The following FAM135B variants were observed in gnomAD, a reference collection of about 807,000 sequenced individuals.
FAM135B encodes protein FAM135B.
A neutral mutation model predicts 127.7 loss-of-function variants in FAM135B; 43 were observed. That is an observed-to-expected ratio of 0.34 (90% CI 0.26 to 0.43). The LOEUF is 0.43. FAM135B is among the 20% of genes least tolerant of loss of function. FAM135B has a pLI of 1.00. For missense variants in FAM135B, 1,558 were observed against 1,725.6 expected, an observed-to-expected ratio of 0.90 and a Z score of 1.72; for synonymous variants, 670 against 665.1, an observed-to-expected ratio of 1.01 and a Z score of -0.11.
At chr8:138,301,533 T>G (rs1169216487) in intron 3 of FAM135B, among the ~76,000 whole-genome samples, 1 of 152,160 alleles carries the variant, frequency 6.6e-6, no homozygotes, top group Non-Finnish European at 1.5e-5. Context: ...CACTTCCTTT[T>G]GTTCTTTGCT....
chr8:138,444,237 G>A (rs554251155), intron 1 of FAM135B, among the ~76,000 whole-genome samples: 46 of 151,974 alleles, frequency 3.0e-4, no homozygotes, highest in Non-Finnish European at 5.3e-4. Flanking sequence ...CATTAGACAG[G>A]TCAACGAGAC....
intron 3 of FAM135B, among the ~76,000 whole-genome samples, chr8:138,275,000 G>A (rs1203928331): frequency 6.6e-6 from 1 of 152,074 alleles, no homozygotes; most frequent in Non-Finnish European, 1.5e-5. Flanking sequence ...CAGCTGACAG[G>A]ATTGAGAGAT....
At chr8:138,481,429 T>A (rs1200611869) in intron 1 of FAM135B, among the ~76,000 whole-genome samples, 1 of 152,220 alleles carries the variant, frequency 6.6e-6, no homozygotes, top group Admixed American at 6.5e-5. Flanking sequence ...TCTGTTTGCA[T>A]CCTTCAGGTC....
intron 1 of FAM135B, among the ~76,000 whole-genome samples, chr8:138,422,183 G>C (rs1834550938): frequency 6.6e-6 from 1 of 152,014 alleles, no homozygotes; most frequent in South Asian, 2.1e-4. Flanking sequence ...AGAAAACCTA[G>C]GAAATACCAT....
intron 9 of FAM135B, among the ~76,000 whole-genome samples, chr8:138,190,100 A>G (rs1273161587): frequency 6.6e-6 from 1 of 152,124 alleles, no homozygotes; most frequent in African/African-American, 2.4e-5. Context: ...ACTTATCTTC[A>G]TACCTTCGTA....
At chr8:138,277,666 T>C (rs1823938521) in intron 3 of FAM135B, among the ~76,000 whole-genome samples, 1 of 151,976 alleles carries the variant, frequency 6.6e-6, no homozygotes, top group African/African-American at 2.4e-5. Context: ...CTTCAGGGAG[T>C]AGGGCCTTGA....
intron 7 of FAM135B, among the ~76,000 whole-genome samples, chr8:138,219,829 T>C (rs1051458265): frequency 1.3e-5 from 2 of 152,188 alleles, no homozygotes; most frequent in Non-Finnish European, 2.9e-5. Context: ...TAGGAACTCA[T>C]GTTCTGGTAG....
At position 138,152,116 on chromosome 8, in the gene FAM135B, C is replaced by T. The variant is rs758410872; in HGVS notation, c.2359G>A (p.Asp787Asn). The T allele has an allele frequency of 6.2e-7, 1 of 1,613,888 alleles. No individual in the cohort carries two copies. The highest frequency in any genetic ancestry group is 2.2e-5 in the East Asian group (1 of 44,842). ...AAACCTCCATCTTGCTGCTTGGTGT[C>T]CGCATCTTCAGCAGCCTCCTCTGGG... ...SSPEEAAEDA[D>N]TKQQDGGFAE... The change falls in exon 13 of 20, where the codon GAC becomes AAC. Residue 787 changes from aspartate (D) to asparagine (N), a missense_variant. This residue lies in a region of FAM135B where 923 missense variants were observed against 865.3 expected (regional missense o/e 1.07). Transcript: ENST00000395297.
intron 1 of FAM135B, chr8:138,439,519 AG>A (rs1202361802): frequency 2.0e-5 from 3 of 152,100 alleles, no homozygotes; most frequent in African/African-American, 7.2e-5. Flanking sequence ...GACATTTCCT[AG>A]GGGGAGGGAA....
intron 3 of FAM135B, among the ~76,000 whole-genome samples, chr8:138,304,461 G>A (rs1024989111): frequency 1.3e-5 from 2 of 152,222 alleles, no homozygotes; most frequent in African/African-American, 4.8e-5. Flanking sequence ...TTGTGCGAAG[G>A]ACGTTCAGTT....
intron 6 of FAM135B, among the ~76,000 whole-genome samples, chr8:138,244,239 T>G (rs1452022126): frequency 6.7e-6 from 1 of 149,920 alleles, no homozygotes; most frequent in Non-Finnish European, 1.5e-5. Context: ...CCAATAGATG[T>G]AATACAATGC....
intron 9 of FAM135B, among the ~76,000 whole-genome samples, chr8:138,185,354 T>C (rs1055928718): frequency 6.6e-6 from 1 of 152,126 alleles, no homozygotes; most frequent in Admixed American, 6.6e-5. Context: ...TTTACCCCCT[T>C]GAATTTGAGA....
chr8:138,308,942 C>T (rs1382451883), intron 3 of FAM135B: 9 of 434,762 alleles, frequency 2.1e-5, no homozygotes, highest in Non-Finnish European at 4.1e-5. Flanking sequence ...GAGCAGGTTC[C>T]TCAAACCCCT....
At chr8:138,185,815 T>G (rs1388257144) in intron 9 of FAM135B, among the ~76,000 whole-genome samples, 2 of 152,206 alleles carry the variant, frequency 1.3e-5, no homozygotes, top group African/African-American at 4.8e-5. Flanking sequence ...TTGAACTTGT[T>G]TGTACCAAAG....
chr8:138,382,752 T>C (rs1037444932), intron 1 of FAM135B, among the ~76,000 whole-genome samples: 15 of 152,168 alleles, frequency 9.9e-5, no homozygotes, highest in African/African-American at 3.6e-4. Context: ...CAATAGACAC[T>C]CAATGAATTG....
rs376071973 is a variant in FAM135B at position 138,195,305 on chromosome 8, C to A, written c.826G>T (p.Ala276Ser). The change falls in exon 9 of 20, where the codon GCC becomes TCC. Residue 276 changes from alanine to serine, a missense_variant and splice_region_variant. This residue lies in a region of FAM135B where 127 missense variants were observed against 109.7 expected (regional missense o/e 1.16). Coordinates refer to ENST00000395297, the MANE Select transcript of FAM135B (RefSeq NM_015912.4). ...GAAAGTGTTTCTTCAACAGCAAGGGCCTCTAGAAAGAAAAAATAAACTGTG... is the reference window on the plus strand; with the variant it reads ...GAAAGTGTTTCTTCAACAGCAAGGGACTCTAGAAAGAAAAAATAAACTGTG... ...IPELPHTELE[A>S]LAVEETLSQL... 48 of 1,613,636 alleles carry A rather than the reference C, an allele frequency of 3.0e-5. No individual in the cohort carries two copies. The Middle Eastern group carries it at 6.6e-4, about 22-fold the overall frequency.
chr8:138,491,167 A>AAAAAAAAAAAAAAAAAAC (rs1564040507), intron 1 of FAM135B, among the ~76,000 whole-genome samples: 1 of 151,324 alleles, frequency 6.6e-6, no homozygotes, highest in African/African-American at 2.4e-5. Flanking sequence ...AAAGAAAGAA[A>AAAAAAAAAAAAAAAAAAC]GAAAGAAAGA....
chr8:138,143,365 G>T (rs376110679), intron 15 of FAM135B, among the ~76,000 whole-genome samples: 1 of 152,128 alleles, frequency 6.6e-6, no homozygotes, highest in Non-Finnish European at 1.5e-5. Context: ...TTGTGGTGCC[G>T]ACTGCCACAC....
intron 3 of FAM135B, chr8:138,309,181 G>A (rs1826479043): frequency 3.4e-6 from 1 of 298,504 alleles, no homozygotes; most frequent in Admixed American, 4.1e-5. Context: ...GTTCACGCAG[G>A]GCAGGGTCCA....
Sources: gnomAD v4.1 joint callset for allele counts (sites outside exome capture counted in the v4.1 genomes callset) on GRCh38, gnomAD v4.1.1 for gene constraint, gnomAD v4.1.1 regional missense constraint, MANE v1.5 for transcripts, NCBI Gene and HGNC (gene_info 2026-07-23, HGNC 2026-07-21) for gene names.